EYA4: variants seen among roughly 807,000 people sequenced by gnomAD.
EYA4 encodes protein phosphatase EYA4.
In EYA4, 31 loss-of-function variants were observed where a neutral mutation model predicts 87.9. The ratio of observed to expected loss-of-function variants is 0.35; its 90% CI spans 0.27 to 0.48. The LOEUF is 0.48. Ranked by LOEUF, EYA4 falls within the 20% of genes least tolerant of loss-of-function variation. The probability of loss-of-function intolerance (pLI) is 0.99; values close to 1 mark genes in which losing one functional copy is unlikely to be tolerated. For missense variants in EYA4, 678 were observed against 761.4 expected (o/e 0.89, Z 1.29); for synonymous variants, 263 against 270.6 (o/e 0.97, Z 0.28).
intron 11 of EYA4, among the ~76,000 whole-genome samples, chr6:133,480,401 C>G (rs537033445): frequency 6.6e-6 from 1 of 152,178 alleles, no homozygotes. Context: ...GGAACTGAAG[C>G]TAGATTATGA....
intron 14 of EYA4, 125 bp downstream of exon 14, chr6:133,506,320 C>G (rs1045847840): frequency 1.6e-6 from 1 of 624,406 alleles, no homozygotes; most frequent in Non-Finnish European, 2.8e-6. Flanking sequence ...GCATAAAGTT[C>G]TTGTCAAGAG....
chr6:133,322,278 G>A (rs1781150663), intron 2 of EYA4, among the ~76,000 whole-genome samples: 1 of 152,178 alleles, frequency 6.6e-6, no homozygotes, highest in Non-Finnish European at 1.5e-5. Context: ...GTAAGCCAGA[G>A]CTATTATAGG....
At chr6:133,372,495 TA>T (rs1284555453) in intron 2 of EYA4, among the ~76,000 whole-genome samples, 1 of 151,818 alleles carries the variant, frequency 6.6e-6, no homozygotes, top group Non-Finnish European at 1.5e-5. Flanking sequence ...AAAACTACTT[TA>T]AAATAGATTT....
chr6:133,314,620 C>T (rs1480722045), intron 2 of EYA4, among the ~76,000 whole-genome samples: 2 of 152,130 alleles, frequency 1.3e-5, no homozygotes, highest in South Asian at 4.2e-4. Context: ...ACTGGTGTAA[C>T]TTCCCTTCTG....
At chr6:133,242,793 C>G (rs1430068481) in intron 1 of EYA4, among the ~76,000 whole-genome samples, 2 of 152,164 alleles carry the variant, frequency 1.3e-5, no homozygotes, top group Non-Finnish European at 2.9e-5. Context: ...CATCTCTTCC[C>G]TGCTTGGGAG....
chr6:133,282,742 A>G (rs1777731142), intron 2 of EYA4, among the ~76,000 whole-genome samples: 1 of 152,194 alleles, frequency 6.6e-6, no homozygotes, highest in Admixed American at 6.5e-5. Context: ...GAAGGAACCT[A>G]TGGCTACATC....
chr6:133,384,857 C>CAA (rs562492908), intron 3 of EYA4, among the ~76,000 whole-genome samples: 18 of 152,062 alleles, frequency 1.2e-4, no homozygotes, highest in Non-Finnish European at 2.2e-4. Flanking sequence ...GAATAGTGAA[C>CAA]AAATTATATG....
At chr6:133,355,642 T>C (rs1783960056) in intron 2 of EYA4, among the ~76,000 whole-genome samples, 1 of 152,208 alleles carries the variant, frequency 6.6e-6, no homozygotes, top group South Asian at 2.1e-4. Flanking sequence ...CTTGTCCTCA[T>C]TGATTGCTAT....
chr6:133,477,325 G>A (rs1795832103), intron 11 of EYA4, among the ~76,000 whole-genome samples: 1 of 152,024 alleles, frequency 6.6e-6, no homozygotes, highest in Non-Finnish European at 1.5e-5. Flanking sequence ...GGTGTGAGGT[G>A]GTATCTCATT....
intron 14 of EYA4, chr6:133,506,397 C>A (rs887661679): frequency 8.4e-6 from 4 of 477,576 alleles, no homozygotes; most frequent in Non-Finnish European, 1.5e-5. Flanking sequence ...ATATGTAGAA[C>A]AAAAATGTCT....
intron 3 of EYA4, among the ~76,000 whole-genome samples, chr6:133,416,058 A>G (rs211590): frequency 0.47 from 70,718 of 152,032 alleles, 17,819 homozygotes; most frequent in Non-Finnish European, 0.56. Flanking sequence ...AGGATATGGG[A>G]TCAGAATCAG....
rs145571294 is a variant in EYA4 at position 133,353,915 on chromosome 6, A to G, written c.34-28477A>G. ...TCGTCAGTGAAAACCCATTTCTGAC[A>G]TTAAATATTCTAATTTTCAAAAAGT... On this transcript the variant is annotated intron_variant, in intron 2 of 19. Transcript: ENST00000355286. Among the ~76,000 whole-genome samples, 75 of 152,308 alleles carry G rather than the reference A, an allele frequency of 4.9e-4. 1 individual carries two copies. In the East Asian group the frequency reaches 0.013, roughly 25 times the overall value.
chr6:133,318,240 T>C (rs564154191), intron 2 of EYA4, among the ~76,000 whole-genome samples: 17 of 152,310 alleles, frequency 1.1e-4, no homozygotes, highest in African/African-American at 3.8e-4. Context: ...CTTCTATGGG[T>C]GTGACTCTTC....
chr6:133,376,573 A>C (rs1411344345), intron 2 of EYA4, among the ~76,000 whole-genome samples: 2 of 151,958 alleles, frequency 1.3e-5, no homozygotes, highest in African/African-American at 4.8e-5. Context: ...GAGCCCAGCT[A>C]TTTTGGAAGA....
rs753371831 is a variant in EYA4, at chr6:133,446,704, T to C, written c.158T>C (p.Leu53Pro). The C allele has an allele frequency of 9.3e-6, 15 of 1,613,948 alleles. No homozygotes were observed. The highest frequency in any genetic ancestry group is 1.3e-5 in the Non-Finnish European group (15 of 1,179,954). ...GGGDTPGSSK[L>P]EKSNLSSTSV... ...GGTGATACTCCAGGTAGCTCCAAAC[T>C]GGAAAAATCTAATCTCAGCAGCACA... Residue 53 changes from leucine to proline, a missense_variant, in exon 4 of 20, where the codon CTG becomes CCG. Physicochemically the swap from Leu to Pro is moderately conservative, Grantham distance 98 (BLOSUM62 -3). Coordinates refer to ENST00000355286, the MANE Select transcript of EYA4 (RefSeq NM_004100.5).
At chr6:133,508,841 G>A (rs892466398) in intron 14 of EYA4, among the ~76,000 whole-genome samples, 1 of 152,154 alleles carries the variant, frequency 6.6e-6, no homozygotes, top group Non-Finnish European at 1.5e-5. Flanking sequence ...AGGATCTTTG[G>A]TAGAAGTAGT....
At position 133,462,658 on chromosome 6, in the gene EYA4, T is replaced by C. The variant is rs1415193862; in HGVS notation, c.618T>C (p.Ser206=). The change falls in exon 9 of 20, where the codon AGT becomes AGC. Residue 206 remains serine, a synonymous_variant. Coordinates refer to ENST00000355286, the MANE Select transcript of EYA4 (RefSeq NM_004100.5). ...GVMLPAIKTE[S]GLSQTQSPLQ... Reference sequence around the variant, plus strand: ...TGTTGCCAGCCATCAAGACAGAGAGTGGACTTTCCCAAACTCAGTCCCCAT... The same window carrying C: ...TGTTGCCAGCCATCAAGACAGAGAGCGGACTTTCCCAAACTCAGTCCCCAT... 4 of 1,613,960 alleles carry C rather than the reference T, an allele frequency of 2.5e-6. No individual in the cohort carries two copies. The highest frequency in any genetic ancestry group is 3.4e-6 in the Non-Finnish European group (4 of 1,179,914).
At chr6:133,250,597 G>T (rs937231252) in intron 1 of EYA4, among the ~76,000 whole-genome samples, 3 of 152,036 alleles carry the variant, frequency 2.0e-5, no homozygotes, top group African/African-American at 7.2e-5. Flanking sequence ...AGCTGAGATT[G>T]CACCATTGCA....
At chr6:133,436,193 CT>C (rs1359883127) in intron 3 of EYA4, among the ~76,000 whole-genome samples, 1 of 151,440 alleles carries the variant, frequency 6.6e-6, no homozygotes, top group East Asian at 1.9e-4. Context: ...CACTCCAGCT[CT>C]GGGCGACAGA....
Sources: allele counts gnomAD v4.1 joint callset (sites outside exome capture counted in the v4.1 genomes callset), GRCh38; gene constraint gnomAD v4.1.1; transcripts MANE v1.5; gene names NCBI Gene and HGNC (gene_info 2026-07-23, HGNC 2026-07-21).